Variants in POLB observed in about 807,000 individuals in gnomAD.
The protein encoded by POLB is DNA polymerase beta, also known as 5'-dRP lyase.
POLB carries 37 observed loss-of-function variants against 52.7 expected under a neutral mutation model. The ratio of observed to expected loss-of-function variants is 0.70; its 90% CI spans 0.54 to 0.92. POLB has a LOEUF of 0.92. POLB is among the 40% of genes least tolerant of loss of function. The pLI is 0.00. For missense variants in POLB, 313 were observed against 400.8 expected, an observed-to-expected ratio of 0.78 and a Z score of 1.87; for synonymous variants, 138 against 131.3, an observed-to-expected ratio of 1.05 and a Z score of -0.35.
chr8:42,370,093 G>A, intron 13 of POLB, 105 bp downstream of exon 13: 1 of 867,682 alleles, frequency 1.2e-6, no homozygotes, highest in Non-Finnish European at 1.9e-6. Flanking sequence ...GCCAGTTAGT[G>A]TAGTTTCTTT....
chr8:42,369,214 A>G (rs535091854), intron 11 of POLB, 57 bp from the exon 12 acceptor site: 6 of 1,048,322 alleles, frequency 5.7e-6, no homozygotes, highest in Admixed American at 3.9e-5. Flanking sequence ...TTACTTGATT[A>G]AAATTAAGCC....
intron 3 of POLB, among the ~76,000 whole-genome samples, chr8:42,346,643 C>G (rs1585876285): frequency 1.3e-5 from 2 of 151,790 alleles, no homozygotes; most frequent in African/African-American, 2.4e-5. Context: ...ATCCTCCTGC[C>G]TCAGCCTCCC....
chr8:42,346,875 C>G (rs535662267), intron 3 of POLB, among the ~76,000 whole-genome samples: 1 of 152,288 alleles, frequency 6.6e-6, no homozygotes, highest in South Asian at 2.1e-4. Context: ...ATAGACAGTT[C>G]TCAGCATCAG....
At position 42,345,021 on chromosome 8, in the gene POLB, T is replaced by C. The variant is rs1295084055; in HGVS notation, c.186+2T>C. The C allele has an allele frequency of 6.3e-7, 1 of 1,599,028 alleles. No individual in the cohort carries two copies. Among genetic ancestry groups the C allele is most frequent in the African/African-American group, 1.3e-5 (1 of 74,708 alleles). On this transcript the variant is annotated splice_donor_variant, in intron 3 of 13. Coordinates refer to ENST00000265421, the MANE Select transcript of POLB (RefSeq NM_002690.3). LOFTEE classifies it high-confidence loss of function. The stretch of plus-strand genomic sequence containing the variant: ...AGTGGAGCTGAAGCTAAGAAATTGG[T>C]AAGTTTAGTTAGCATGTTGATCGAA...
intron 11 of POLB, among the ~76,000 whole-genome samples, chr8:42,366,104 G>GAAA (rs113409823): frequency 1.4e-5 from 2 of 141,142 alleles, no homozygotes; most frequent in South Asian, 2.2e-4. Context: ...CCTCCCAAAG[G>GAAA]AAAAAAAAAA....
At chr8:42,342,326 G>T (rs1822253652) in intron 2 of POLB, 2 of 1,518,062 alleles carry the variant, frequency 1.3e-6, no homozygotes, top group African/African-American at 1.4e-5. Context: ...TGGGCCAGCA[G>T]CAGGCCAGTA....
At chr8:42,346,201 C>T (rs370065857) in intron 3 of POLB, among the ~76,000 whole-genome samples, 1 of 151,766 alleles carries the variant, frequency 6.6e-6, no homozygotes, top group Admixed American at 6.6e-5. Context: ...GGATTATAGT[C>T]GTGAGCCACT....
chr8:42,357,347 G>C lies in POLB; in HGVS notation c.505G>C (p.Val169Leu). The change falls in exon 9 of 14, where the codon GTG becomes CTG. Residue 169 changes from valine (V) to leucine (L), a missense_variant. By Grantham distance (32) the Val-to-Leu change is conservative. Coordinates refer to ENST00000265421, the MANE Select transcript of POLB (RefSeq NM_002690.3). ...QDIVLNEVKK[V>L]DSEYIATVCG... Reference sequence around the variant, plus strand: ...TATTGTACTAAATGAAGTTAAAAAAGTGGATTCTGAATACATTGCTACAGT... The same window carrying C: ...TATTGTACTAAATGAAGTTAAAAAACTGGATTCTGAATACATTGCTACAGT... 1 of 1,578,804 alleles carries C rather than the reference G, an allele frequency of 6.3e-7. No homozygotes were observed. The highest frequency in any genetic ancestry group is 1.3e-5 in the African/African-American group (1 of 74,380).
At chr8:42,338,930 G>T in intron 1 of POLB, 82 bp from the exon 2 acceptor site, 1 of 1,222,510 alleles carries the variant, frequency 8.2e-7, no homozygotes, top group Non-Finnish European at 1.2e-6. Flanking sequence ...TCTCTTAGAG[G>T]CTGCCATATC....
rs964483226 is a variant in POLB, at chr8:42,342,708, G to T, written c.120-2245G>T. The T allele has an allele frequency of 2.1e-4, 96 of 447,652 alleles. No individual in the cohort carries two copies. The East Asian group carries it at 4.3e-3, about 20-fold the overall frequency. The allele number at this position is 447,652 out of a possible 1,614,324, so 27.7% of individuals were successfully genotyped here. A position where few individuals can be genotyped will look rare whatever the true frequency, so the allele number is the denominator to read the frequency against. ...GCGGGAGCAATTTTTAAAAACTGAT[G>T]TAGGGGCCAGGCACAGTGGCTCACG... On this transcript the variant is annotated intron_variant, in intron 2 of 13. Transcript: ENST00000265421.
chr8:42,351,133 C>A (rs1822955481), intron 5 of POLB, among the ~76,000 whole-genome samples: 1 of 152,104 alleles, frequency 6.6e-6, no homozygotes, highest in Admixed American at 6.5e-5. Flanking sequence ...CTTAAGCCTC[C>A]CAGAGTGCTA....
chr8:42,353,459 T>C (rs1823109924), intron 6 of POLB, among the ~76,000 whole-genome samples: 1 of 152,200 alleles, frequency 6.6e-6, no homozygotes, highest in Non-Finnish European at 1.5e-5. Flanking sequence ...GATTAAAAGC[T>C]AAGTTATATA....
chr8:42,347,234 A>G (rs1374221061), intron 3 of POLB, among the ~76,000 whole-genome samples: 3 of 151,528 alleles, frequency 2.0e-5, no homozygotes, highest in Non-Finnish European at 4.4e-5. Flanking sequence ...CAGAGTTGCT[A>G]TCTAGCCCAT....
At position 42,344,820 on chromosome 8, in the gene POLB, C is replaced by CA. The variant is rs371763819; in HGVS notation, c.120-124dup. 2,704 of 604,864 alleles carry CA rather than the reference C, an allele frequency of 4.5e-3. 5 individuals carry two copies. Among genetic ancestry groups the CA allele is most frequent in the Non-Finnish European group, 5.8e-3 (1,988 of 345,718 alleles). 37.5% of individuals were successfully genotyped at this position (604,864 alleles called of 1,614,324 possible). On this transcript the variant is annotated intron_variant, in intron 2 of 13. Transcript: ENST00000265421. Reference sequence around the variant, plus strand: ...CAGAGGGAGACTGTCTCAAAAAAAACAAAAAAAAAGAAAATTAGTTATCTT... The same window carrying CA: ...CAGAGGGAGACTGTCTCAAAAAAAACAAAAAAAAAAGAAAATTAGTTATCTT...
chr8:42,340,579 G>A (rs1451061846), intron 2 of POLB, among the ~76,000 whole-genome samples: 1 of 152,174 alleles, frequency 6.6e-6, no homozygotes, highest in Non-Finnish European at 1.5e-5. Flanking sequence ...GTGGTTCCGG[G>A]GAGTCTGCCT....
At chr8:42,360,998 A>G (rs1484162285) in intron 9 of POLB, 1 of 489,002 alleles carries the variant, frequency 2.0e-6, no homozygotes, top group East Asian at 4.8e-5. Flanking sequence ...TATTGTTTTT[A>G]TTCATTATTG....
chr8:42,338,808 C>T (rs1348866052), intron 1 of POLB, 123 bp downstream of exon 1: 3 of 1,079,578 alleles, frequency 2.8e-6, no homozygotes, highest in African/African-American at 1.5e-5. Context: ...GGTCGTCTTC[C>T]GTGGGGATCT....
chr8:42,350,156 T>G, intron 5 of POLB, 91 bp downstream of exon 5: 1 of 847,300 alleles, frequency 1.2e-6, no homozygotes, highest in East Asian at 2.4e-5. Flanking sequence ...TCAAAACCTG[T>G]ACTTCACCAC....
At chr8:42,370,164 C>A in intron 13 of POLB, 176 bp downstream of exon 13, 1 of 678,346 alleles carries the variant, frequency 1.5e-6, no homozygotes, top group East Asian at 2.8e-5. Context: ...CCTAGGCCCT[C>A]AGTTGAAGGC....
Sources: gnomAD v4.1 joint callset for allele counts (sites outside exome capture counted in the v4.1 genomes callset) on GRCh38, gnomAD v4.1.1 for gene constraint, MANE v1.5 for transcripts, NCBI Gene and HGNC (gene_info 2026-07-23, HGNC 2026-07-21) for gene names.